Variants in TAMM41 observed in about 807,000 individuals in gnomAD.
TAMM41 encodes TAM41 mitochondrial translocator assembly and maintenance homolog.
Under a neutral mutation model 44.1 loss-of-function variants are expected in TAMM41, and 36 were observed. The ratio of observed to expected loss-of-function variants is 0.82; its 90% CI spans 0.63 to 1.08. TAMM41 has a LOEUF of 1.08. TAMM41 is among the 50% of genes least tolerant of loss of function. The probability of loss-of-function intolerance (pLI) is 0.00; values close to 1 mark genes in which losing one functional copy is unlikely to be tolerated. For missense variants in TAMM41, 417 were observed against 404.3 expected, an observed-to-expected ratio of 1.03 and a Z score of -0.27; for synonymous variants, 164 against 153.1, an observed-to-expected ratio of 1.07 and a Z score of -0.53.
At chr3:11,776,016 A>ATT in the TAMM41 span, among the ~76,000 whole-genome samples, 9 of 130,960 alleles carry the variant, frequency 6.9e-5, no homozygotes, top group Admixed American at 3.2e-4. Flanking sequence ...TAATTAATTA[A>ATT]TTTTTTTTTT....
the TAMM41 span, among the ~76,000 whole-genome samples, chr3:11,736,815 A>G: frequency 2.0e-5 from 3 of 152,048 alleles, no homozygotes; most frequent in African/African-American, 4.8e-5. Flanking sequence ...CACTCTTCCT[A>G]TTTAGGGGAA....
chr3:11,760,733 G>A, the TAMM41 span, among the ~76,000 whole-genome samples: 2 of 150,454 alleles, frequency 1.3e-5, no homozygotes, highest in African/African-American at 4.9e-5. Context: ...GCTAGTTTTT[G>A]TATTTTTAGT....
the TAMM41 span, among the ~76,000 whole-genome samples, chr3:11,754,737 A>C: frequency 2.3e-5 from 3 of 130,556 alleles, no homozygotes; most frequent in Non-Finnish European, 4.8e-5. Flanking sequence ...TTTTTGAGAC[A>C]GAGTCTTGCT....
At chr3:11,722,397 T>A in the TAMM41 span, among the ~76,000 whole-genome samples, 2 of 152,102 alleles carry the variant, frequency 1.3e-5, no homozygotes, top group African/African-American at 2.4e-5. Flanking sequence ...TGTAAAGGTC[T>A]AGGGGGACTG....
the TAMM41 span, among the ~76,000 whole-genome samples, chr3:11,763,362 G>A: frequency 2.0e-5 from 3 of 152,298 alleles, no homozygotes; most frequent in Admixed American, 6.5e-5. Flanking sequence ...GGCTGGTCTT[G>A]AACTTGTGGG....
chr3:11,734,685 T>G, the TAMM41 span, among the ~76,000 whole-genome samples: 1 of 152,096 alleles, frequency 6.6e-6, no homozygotes, highest in Non-Finnish European at 1.5e-5. Flanking sequence ...GAAGATCTAG[T>G]CTCTGCCTAA....
At chr3:11,792,736 C>T (rs562725652) in intron 7 of TAMM41, among the ~76,000 whole-genome samples, 6 of 152,248 alleles carry the variant, frequency 3.9e-5, no homozygotes, top group African/African-American at 1.4e-4. Flanking sequence ...AACTGGACTA[C>T]ATGAAATTAT....
the TAMM41 span, among the ~76,000 whole-genome samples, chr3:11,739,048 A>C: frequency 6.6e-6 from 1 of 152,202 alleles, no homozygotes; most frequent in Admixed American, 6.5e-5. Flanking sequence ...CATGTCTCCA[A>C]CATGACAAGC....
Position 11,821,722 on chromosome 3 carries a change from C to T in TAMM41, c.563-4385G>A, listed in dbSNP as rs189193502. ...GCTGGGTCTTGGAGATAATAATTACCGGCTAACTTTTCTCCCTTTAAACGA... is the reference window on the plus strand; with the variant it reads ...GCTGGGTCTTGGAGATAATAATTACTGGCTAACTTTTCTCCCTTTAAACGA... On this transcript the variant is annotated intron_variant, in intron 4 of 7. Coordinates refer to ENST00000455809, the MANE Select transcript of TAMM41 (RefSeq NM_001284401.2). 6.4e-4 allele frequency among the ~76,000 whole-genome samples: 97 copies of T among 152,236 alleles called. 2 individuals carry two copies. The highest frequency in any genetic ancestry group is 2.2e-3 in the African/African-American group (90 of 41,540).
At chr3:11,835,765 AT>A (rs2079147231) in intron 3 of TAMM41, among the ~76,000 whole-genome samples, 1 of 152,170 alleles carries the variant, frequency 6.6e-6, no homozygotes, top group Non-Finnish European at 1.5e-5. Flanking sequence ...GGCAAAGACC[AT>A]TTTCTGAGTG....
chr3:11,841,570 T>C (rs1056987362), intron 2 of TAMM41, among the ~76,000 whole-genome samples: 3 of 152,238 alleles, frequency 2.0e-5, no homozygotes, highest in Admixed American at 6.5e-5. Flanking sequence ...TTTTGGCATA[T>C]AATTATGCCC....
chr3:11,756,777 A>G, the TAMM41 span, among the ~76,000 whole-genome samples: 1 of 151,494 alleles, frequency 6.6e-6, no homozygotes, highest in South Asian at 2.1e-4. Flanking sequence ...AGGCAGGGGA[A>G]TTGCTTGAAC....
chr3:11,736,994 C>A, the TAMM41 span, among the ~76,000 whole-genome samples: 1 of 152,098 alleles, frequency 6.6e-6, no homozygotes, highest in Non-Finnish European at 1.5e-5. Flanking sequence ...AATGGCAGTG[C>A]CCAGGCTGCA....
chr3:11,781,461 G>A, the TAMM41 span, among the ~76,000 whole-genome samples: 71 of 152,208 alleles, frequency 4.7e-4, 1 homozygote, highest in African/African-American at 1.7e-3. Context: ...CCGGTCAGGT[G>A]CGGTGGCTCA....
the TAMM41 span, among the ~76,000 whole-genome samples, chr3:11,748,499 C>T: frequency 6.6e-6 from 1 of 152,006 alleles, no homozygotes; most frequent in South Asian, 2.1e-4. Flanking sequence ...CTACCTCACC[C>T]TCCCAAGTAG....
the TAMM41 span, among the ~76,000 whole-genome samples, chr3:11,758,744 G>A: frequency 6.6e-6 from 1 of 151,910 alleles, no homozygotes. Context: ...TACTATCTCA[G>A]CTCACTGCAA....
the TAMM41 span, among the ~76,000 whole-genome samples, chr3:11,765,070 C>T: frequency 2.0e-5 from 3 of 152,194 alleles, no homozygotes; most frequent in East Asian, 5.8e-4. Flanking sequence ...GTTTTTATAG[C>T]TTTCATTTAA....
chr3:11,746,212 G>A, the TAMM41 span, among the ~76,000 whole-genome samples: 6 of 151,360 alleles, frequency 4.0e-5, no homozygotes, highest in Non-Finnish European at 7.4e-5. Flanking sequence ...GAGGCAGGAG[G>A]AGAATGGCTT....
At chr3:11,726,523 C>T in the TAMM41 span, among the ~76,000 whole-genome samples, 1 of 152,110 alleles carries the variant, frequency 6.6e-6, no homozygotes, top group African/African-American at 2.4e-5. Flanking sequence ...TGAACCTGGC[C>T]GGGTGCAGTG....
Sources: allele counts gnomAD v4.1 joint callset (sites outside exome capture counted in the v4.1 genomes callset), GRCh38; gene constraint gnomAD v4.1.1; transcripts MANE v1.5; gene names NCBI Gene and HGNC (gene_info 2026-07-23, HGNC 2026-07-21).